LMO3: variants seen among roughly 807,000 people sequenced by gnomAD.
The protein encoded by LMO3 is LIM domain only protein 3.
In LMO3, 2 loss-of-function variants were observed where a neutral mutation model predicts 15.8. The observed-to-expected ratio is 0.13, with a 90% confidence interval of 0.05 to 0.40. LMO3 has a LOEUF of 0.40. Among genes scored for constraint, LMO3 ranks in the 10% least tolerant of loss-of-function variants. The probability of loss-of-function intolerance (pLI) is 0.99; values close to 1 mark genes in which losing one functional copy is unlikely to be tolerated. For synonymous variants in LMO3, 62 were observed against 63.8 expected (o/e 0.97, Z 0.13); for missense variants, 86 against 182.2 (o/e 0.47, Z 3.04).
rs1327152631 is a variant in LMO3 at position 16,599,580 on chromosome 12, A to G, written c.206+1075T>C. On this transcript the variant is annotated intron_variant, in intron 2 of 3. Coordinates refer to ENST00000537304, the MANE Select transcript of LMO3 (RefSeq NM_018640.5). This position sits in a 1 kb window ranked among gnomAD's most constrained non-coding sequence, Gnocchi z 4.1. Reference sequence around the variant, plus strand: ...TGTCATAAGGGAAAAAATTCCAAATAAATCGCTTAATGTCAGACCAGAAAA... The same window carrying G: ...TGTCATAAGGGAAAAAATTCCAAATGAATCGCTTAATGTCAGACCAGAAAA... 6.6e-6 allele frequency: 1 copy of G among 152,206 alleles called. No homozygotes were observed. Among genetic ancestry groups the G allele is most frequent in the African/African-American group, 2.4e-5 (1 of 41,458 alleles). The allele number at this position is 152,206 out of a possible 1,614,324, so 9.4% of individuals were successfully genotyped here. A position where few individuals can be genotyped will look rare whatever the true frequency, so the allele number is the denominator to read the frequency against.
upstream of LMO3, chr12:16,608,222 G>C (rs573805155): frequency 6.6e-6 from 1 of 152,138 alleles, no homozygotes; most frequent in South Asian, 2.1e-4. The surrounding 1 kb of genome is among the most constrained non-coding windows in gnomAD (Gnocchi z 4.1). Context: ...GAAGAAAAGA[G>C]GGAGGGAGGG....
At chr12:16,594,445 T>G (rs1339422461) in intron 2 of LMO3, 2 of 467,222 alleles carry the variant, frequency 4.3e-6, no homozygotes, top group African/African-American at 2.0e-5. Context: ...TTTTTATTTT[T>G]ATTCCCTTTG....
rs576697471 is a variant in LMO3 at position 16,586,327 on chromosome 12, A to G, written c.206+14328T>C. 1.8e-4 allele frequency among the ~76,000 whole-genome samples: 27 copies of G among 152,316 alleles called. No homozygotes were observed. The highest frequency in any genetic ancestry group is 6.5e-4 in the African/African-American group (27 of 41,584). ...GATGAAGTCCACATACGGAACAACT[A>G]AGAAACAACTAAAACACGTGCATGA... On this transcript the variant is annotated intron_variant, in intron 2 of 3. Transcript: ENST00000537304. The surrounding 1 kb of genome is among the most constrained non-coding windows in gnomAD (Gnocchi z 4.3).
intron 2 of LMO3, among the ~76,000 whole-genome samples, chr12:16,580,187 AACTCCTGGGCTCAAGTGGTCCTCCC>A (rs1181508406): frequency 7.9e-5 from 12 of 152,150 alleles, no homozygotes; most frequent in Admixed American, 3.9e-4. Flanking sequence ...GCTGGCCTCC[AACTCCTGGGCTCAAGTGGTCCTCCC>A]ACCTCAATCT....
In LMO3 at chr12:16,559,198, AATCT is replaced by A. The variant is rs1332078859; in HGVS notation, c.332+1211_332+1214del. 6.6e-6 allele frequency among the ~76,000 whole-genome samples: 1 copy of A among 152,214 alleles called. No individual in the cohort carries two copies. The highest frequency in any genetic ancestry group is 1.5e-5 in the Non-Finnish European group (1 of 68,024). On this transcript the variant is annotated intron_variant, in intron 3 of 3. Coordinates refer to ENST00000537304, the MANE Select transcript of LMO3 (RefSeq NM_018640.5). The surrounding 1 kb of genome is among the most constrained non-coding windows in gnomAD (Gnocchi z 4.1). Reference sequence around the variant, plus strand: ...AAGTCAGTGAATTCATTTTCATTAAAATCTATCAAGTGTTCTAATTTTTGAAATG... The same window carrying A: ...AAGTCAGTGAATTCATTTTCATTAAAATCAAGTGTTCTAATTTTTGAAATG...
chr12:16,562,313 A>T (rs1942435240), intron 2 of LMO3, among the ~76,000 whole-genome samples: 1 of 152,170 alleles, frequency 6.6e-6, no homozygotes. Flanking sequence ...TATTTTTGAG[A>T]AATAAGAAAA....
chr12:16,588,831 CTCA>C (rs1457826681), intron 2 of LMO3, among the ~76,000 whole-genome samples: 1 of 152,030 alleles, frequency 6.6e-6, no homozygotes, highest in Admixed American at 6.6e-5. Flanking sequence ...CAATCTTCTC[CTCA>C]TGTTTAATTT....
At chr12:16,563,887 G>A (rs1273955276) in intron 2 of LMO3, among the ~76,000 whole-genome samples, 1 of 152,156 alleles carries the variant, frequency 6.6e-6, no homozygotes, top group African/African-American at 2.4e-5. Context: ...ATGTCTTATA[G>A]ATTATTAAAT....
intron 3 of LMO3, 66 bp from the exon 4 acceptor site, chr12:16,551,393 T>C: frequency 1.0e-6 from 1 of 965,520 alleles, no homozygotes; most frequent in Admixed American, 1.8e-5. Context: ...AATTTGAAGA[T>C]TTATTTTCCT....
Position 16,589,939 on chromosome 12 carries a change from AT to A in LMO3, c.206+10715del, listed in dbSNP as rs1189929051. ...TAGCTTTCTGGGAAGTATGTGTTGG[AT>A]TTTTTTGTGCATGAAGTATAAATGC... On this transcript the variant is annotated intron_variant, in intron 2 of 3. Transcript: ENST00000537304. The surrounding 1 kb of genome is among the most constrained non-coding windows in gnomAD (Gnocchi z 4.2). Among the ~76,000 whole-genome samples, 1 of 151,954 alleles carries A rather than the reference AT, an allele frequency of 6.6e-6. No individual in the cohort carries two copies. Among genetic ancestry groups the A allele is most frequent in the Non-Finnish European group, 1.5e-5 (1 of 67,982 alleles).
chr12:16,571,384 T>C (rs897141769), intron 2 of LMO3, among the ~76,000 whole-genome samples: 1 of 152,088 alleles, frequency 6.6e-6, no homozygotes, highest in Non-Finnish European at 1.5e-5. Flanking sequence ...AAATTTAATA[T>C]CCAACACCAT....
At chr12:16,568,918 G>A (rs2137415336) in intron 2 of LMO3, among the ~76,000 whole-genome samples, 1 of 152,138 alleles carries the variant, frequency 6.6e-6, no homozygotes, top group Non-Finnish European at 1.5e-5. Context: ...TAAGCTTAAA[G>A]ATAAGAAAAA....
intron 2 of LMO3, among the ~76,000 whole-genome samples, chr12:16,573,199 T>C (rs1942879869): frequency 6.6e-6 from 1 of 152,136 alleles, no homozygotes; most frequent in African/African-American, 2.4e-5. Context: ...AAAAACCTCA[T>C]ATTAACATAT....
chr12:16,583,499 ACTG>A (rs1475582826), intron 2 of LMO3, among the ~76,000 whole-genome samples: 2 of 152,324 alleles, frequency 1.3e-5, no homozygotes, highest in East Asian at 3.9e-4. Flanking sequence ...CACACAGAAT[ACTG>A]GAGGGAATGG....
At chr12:16,575,044 AG>A (rs1942948925) in intron 2 of LMO3, among the ~76,000 whole-genome samples, 1 of 152,108 alleles carries the variant, frequency 6.6e-6, no homozygotes, top group African/African-American at 2.4e-5. Flanking sequence ...ACAAAAGAAA[AG>A]GTGTTTTCGT....
intron 2 of LMO3, among the ~76,000 whole-genome samples, chr12:16,590,085 T>C (rs2137610727): frequency 6.6e-6 from 1 of 152,230 alleles, no homozygotes; most frequent in South Asian, 2.1e-4. Context: ...TAAATATACA[T>C]GCAAGCTCGA....
At chr12:16,594,449 C>A in intron 2 of LMO3, 1 of 454,994 alleles carries the variant, frequency 2.2e-6, no homozygotes, top group Non-Finnish European at 3.8e-6. Flanking sequence ...TATTTTTATT[C>A]CCTTTGTTTT....
At chr12:16,554,858 C>T (rs1195906707) in intron 3 of LMO3, among the ~76,000 whole-genome samples, 1 of 152,092 alleles carries the variant, frequency 6.6e-6, no homozygotes, top group African/African-American at 2.4e-5. Flanking sequence ...CGGGGTTTCA[C>T]CGTGTTAGCC....
Position 16,548,963 on chromosome 12 carries a change from T to C in LMO3, c.*2259A>G, listed in dbSNP as rs1193288618. 1 of 152,168 alleles carries C rather than the reference T, an allele frequency of 6.6e-6. No individual in the cohort carries two copies. Among genetic ancestry groups the C allele is most frequent in the African/African-American group, 2.4e-5 (1 of 41,450 alleles). 9.4% of individuals were successfully genotyped at this position (152,168 alleles called of 1,614,324 possible). The stretch of plus-strand genomic sequence containing the variant: ...TTGTTTGGTCTTCCAGTGGCAAGGA[T>C]AGTTGAACAACTTCAAGAAGCTGAG... On this transcript the variant is annotated 3_prime_UTR_variant, in exon 4 of 4. Coordinates refer to ENST00000537304, the MANE Select transcript of LMO3 (RefSeq NM_018640.5). This position sits in a 1 kb window ranked among gnomAD's most constrained non-coding sequence, Gnocchi z 4.2.
Sources: gnomAD v4.1 joint callset for allele counts (sites outside exome capture counted in the v4.1 genomes callset) on GRCh38, gnomAD v4.1.1 for gene constraint, Gnocchi (gnomAD v3.1) non-coding constraint, MANE v1.5 for transcripts, NCBI Gene and HGNC (gene_info 2026-07-23, HGNC 2026-07-21) for gene names.